The following NVL variants were observed in gnomAD, a reference collection of about 807,000 sequenced individuals.
The protein encoded by NVL is nuclear VCP like.
In NVL, 84 loss-of-function variants were observed where a neutral mutation model predicts 110.2. The observed-to-expected ratio is 0.76, with a 90% CI of 0.64 to 0.91. NVL has a LOEUF of 0.91. Among genes scored for constraint, NVL ranks in the 40% least tolerant of loss-of-function variants. The probability of loss-of-function intolerance (pLI) is 0.00; values close to 1 mark genes in which losing one functional copy is unlikely to be tolerated. For missense variants in NVL, 882 were observed against 1,035.9 expected, an observed-to-expected ratio of 0.85 and a Z score of 2.04; for synonymous variants, 354 against 361.1, an observed-to-expected ratio of 0.98 and a Z score of 0.22.
chr1:224,294,093 C>G (rs966427546), intron 12 of NVL, among the ~76,000 whole-genome samples, 174 bp downstream of exon 12: 1 of 152,236 alleles, frequency 6.6e-6, no homozygotes, highest in Non-Finnish European at 1.5e-5. Flanking sequence ...AGCCACTGCA[C>G]CCAGGCATAA....
At chr1:224,242,789 C>A (rs1661349157) in intron 19 of NVL, among the ~76,000 whole-genome samples, 1 of 148,886 alleles carries the variant, frequency 6.7e-6, no homozygotes, top group African/African-American at 2.5e-5. Context: ...TAAATCTATT[C>A]TTAACTACAC....
At position 224,250,252 on chromosome 1, in the gene NVL, G is replaced by C. The variant is rs571963590; in HGVS notation, c.2249C>G (p.Pro750Arg). 2 of 1,610,066 alleles carry C rather than the reference G, an allele frequency of 1.2e-6. No individual in the cohort carries two copies. Among genetic ancestry groups the C allele is most frequent in the African/African-American group, 1.3e-5 (1 of 74,664 alleles). Residue 750 changes from proline (P) to arginine (R), a missense_variant, in exon 19 of 23, where the codon CCC becomes CGC. Physicochemically the swap from Pro to Arg is moderately radical, Grantham distance 103. This residue lies in a region of NVL where 126 missense variants were observed against 140.7 expected (regional missense o/e 0.90). Transcript: ENST00000281701. ...TAAGATGGCAAGGCGATCTGCAGGG[G>C]GCGGTAAACCCACAAACAGTGTTTT... The part of the protein sequence containing the change: ...LDKTLFVGLP[P>R]PADRLAILKT...
At chr1:224,245,932 T>C (rs996110291) in intron 19 of NVL, among the ~76,000 whole-genome samples, 1 of 150,722 alleles carries the variant, frequency 6.6e-6, no homozygotes, top group Non-Finnish European at 1.5e-5. Context: ...TGACCTCTAT[T>C]GAAATGTCTT....
chr1:224,272,851 G>A (rs1234050540), intron 17 of NVL, among the ~76,000 whole-genome samples: 1 of 149,916 alleles, frequency 6.7e-6, no homozygotes, highest in African/African-American at 2.5e-5. Flanking sequence ...CGACTAAAAC[G>A]GTGAAACCCC....
intron 13 of NVL, 65 bp downstream of exon 13, chr1:224,289,419 G>A (rs1214585138): frequency 6.5e-7 from 1 of 1,545,284 alleles, no homozygotes; most frequent in African/African-American, 1.4e-5. Flanking sequence ...ATTGACCCTT[G>A]CTTCAATGTA....
Position 224,305,944 on chromosome 1 carries a change from C to CTCTGT in NVL, c.616-783_616-779dup, listed in dbSNP as rs1326333751. Among the ~76,000 whole-genome samples, 3 of 152,236 alleles carry CTCTGT rather than the reference C, an allele frequency of 2.0e-5. No individual in the cohort carries two copies. In the East Asian group the frequency reaches 5.8e-4, roughly 29 times the overall value. Reference sequence around the variant, plus strand: ...TGCCTTGTATGAGTGATTCACTTATCTCTGTCTTTCTCACTGAATTGTGAG... The same window carrying CTCTGT: ...TGCCTTGTATGAGTGATTCACTTATCTCTGTTCTGTCTTTCTCACTGAATTGTGAG... On this transcript the variant is annotated intron_variant, in intron 6 of 22. Transcript: ENST00000281701.
At chr1:224,268,521 A>C (rs1664722338) in intron 17 of NVL, among the ~76,000 whole-genome samples, 1 of 152,194 alleles carries the variant, frequency 6.6e-6, no homozygotes, top group Admixed American at 6.5e-5. Flanking sequence ...TCTTTGGTAG[A>C]GATGGGGTCT....
intron 17 of NVL, 131 bp downstream of exon 17, chr1:224,275,208 A>G (rs1009069938): frequency 3.8e-6 from 4 of 1,039,478 alleles, no homozygotes; most frequent in East Asian, 2.4e-5. Flanking sequence ...TTTGATTTCA[A>G]ATTACTAAGT....
chr1:224,240,821 C>T (rs1271373894), intron 19 of NVL, among the ~76,000 whole-genome samples: 2 of 132,312 alleles, frequency 1.5e-5, no homozygotes, highest in South Asian at 2.5e-4. Context: ...GACAGAGTCT[C>T]GCCCTGTGGC....
chr1:224,255,203 T>C (rs1386504926), intron 18 of NVL, among the ~76,000 whole-genome samples: 1 of 145,140 alleles, frequency 6.9e-6, no homozygotes, highest in Non-Finnish European at 1.5e-5. Flanking sequence ...TTTTTTTTTT[T>C]TCCTGAGACA....
In NVL at chr1:224,294,199, C is replaced by G. The variant is rs551320768; in HGVS notation, c.1325+68G>C. The stretch of plus-strand genomic sequence containing the variant: ...GAAAAGGCTACTTGGTATTTCTCAC[C>G]TCTTACTTTCAAACCATTCAGTTAA... On this transcript the variant is annotated intron_variant, in intron 12 of 22. Transcript: ENST00000281701. 2.0e-6 allele frequency: 3 copies of G among 1,519,366 alleles called. No individual in the cohort carries two copies. The African/African-American group carries it at 4.1e-5, about 21-fold the overall frequency. The allele number at this position is 1,519,366 out of a possible 1,614,324, so 94.1% of individuals were successfully genotyped here.
At chr1:224,268,174 A>C in intron 17 of NVL, 41 bp from the exon 18 acceptor site, 1 of 1,331,612 alleles carries the variant, frequency 7.5e-7, no homozygotes, top group Non-Finnish European at 1.1e-6. Context: ...TCTCAATACA[A>C]AGGAAAAATA....
chr1:224,248,567 T>C (rs1224821810), intron 19 of NVL, among the ~76,000 whole-genome samples: 1 of 152,180 alleles, frequency 6.6e-6, no homozygotes, highest in Non-Finnish European at 1.5e-5. Flanking sequence ...GAATCTTCCT[T>C]TGTCAGCATC....
chr1:224,247,874 C>G (rs931382481), intron 19 of NVL, among the ~76,000 whole-genome samples: 1 of 152,154 alleles, frequency 6.6e-6, no homozygotes, highest in African/African-American at 2.4e-5. Context: ...ATGATCACTC[C>G]TCTGCGTAGT....
intron 2 of NVL, among the ~76,000 whole-genome samples, chr1:224,320,444 C>T (rs1365599318): frequency 2.0e-5 from 3 of 152,046 alleles, no homozygotes; most frequent in Non-Finnish European, 4.4e-5. Flanking sequence ...GTCAGGAGTT[C>T]GAAACTAGCC....
chr1:224,293,259 C>T (rs1259907075), intron 12 of NVL, among the ~76,000 whole-genome samples: 5 of 150,116 alleles, frequency 3.3e-5, no homozygotes, highest in African/African-American at 9.8e-5. Flanking sequence ...TTAGTAGTAA[C>T]GGGGTTTCAC....
intron 19 of NVL, among the ~76,000 whole-genome samples, chr1:224,248,132 C>T (rs1032487781): frequency 6.6e-6 from 1 of 152,196 alleles, no homozygotes. Context: ...ACTCAGAGAG[C>T]TCATCTCCCA....
Position 224,247,259 on chromosome 1 carries a change from G to A in NVL, c.2289+2953C>T, listed in dbSNP as rs1279857140. Among the ~76,000 whole-genome samples, 3 of 151,880 alleles carry A rather than the reference G, an allele frequency of 2.0e-5. No individual in the cohort carries two copies. The East Asian group carries it at 5.8e-4, about 29-fold the overall frequency. ...TCAGCTCTGTTGCTCAGGCTGGAGT[G>A]CAGTGACGTGACCATGGCACACTGC... On this transcript the variant is annotated intron_variant, in intron 19 of 22. Coordinates refer to ENST00000281701, the MANE Select transcript of NVL (RefSeq NM_002533.4).
intron 9 of NVL, among the ~76,000 whole-genome samples, chr1:224,303,199 C>G (rs1374387867): frequency 6.6e-6 from 1 of 152,142 alleles, no homozygotes; most frequent in African/African-American, 2.4e-5. Flanking sequence ...CTTTGGGAGG[C>G]TGAGGCAAGT....
Sources: gnomAD v4.1 joint callset for allele counts (sites outside exome capture counted in the v4.1 genomes callset) on GRCh38, gnomAD v4.1.1 for gene constraint, gnomAD v4.1.1 regional missense constraint, MANE v1.5 for transcripts, NCBI Gene and HGNC (gene_info 2026-07-23, HGNC 2026-07-21) for gene names.